The following UTP18 variants were observed in gnomAD, a reference collection of about 807,000 sequenced individuals.
UTP18 encodes the protein UTP18 small subunit processome component.
UTP18 carries 36 observed loss-of-function variants against 61.1 expected under a neutral mutation model. That is an observed-to-expected ratio of 0.59 (90% CI 0.45 to 0.78). UTP18 has a LOEUF of 0.78. Ranked by LOEUF, UTP18 falls within the 30% of genes least tolerant of loss-of-function variation. UTP18 has a pLI of 0.00. For missense variants in UTP18, 753 were observed against 693.9 expected (o/e 1.09, Z -0.96); for synonymous variants, 282 against 251.1 (o/e 1.12, Z -1.16).
At chr17:51,287,032 A>C (rs1905138251) in intron 10 of UTP18, among the ~76,000 whole-genome samples, 2 of 131,294 alleles carry the variant, frequency 1.5e-5, no homozygotes, top group Admixed American at 1.9e-4. Flanking sequence ...TGTGTCCATT[A>C]TAAGTAGTTT....
chr17:51,263,602 G>T (rs917339645), intron 2 of UTP18, among the ~76,000 whole-genome samples: 4 of 152,184 alleles, frequency 2.6e-5, no homozygotes, highest in Non-Finnish European at 5.9e-5. Context: ...CCTCTTTGCT[G>T]TATACAGTAG....
At position 51,285,903 on chromosome 17, in the gene UTP18, A is replaced by G. The variant is rs191371876; in HGVS notation, c.1328+535A>G. Among the ~76,000 whole-genome samples, 64 of 152,324 alleles carry G rather than the reference A, an allele frequency of 4.2e-4. 1 individual carries two copies. Among genetic ancestry groups the G allele is most frequent in the Middle Eastern group, 3.4e-3 (1 of 294 alleles). ...ATTGCAGTTGAACACCTTTTTAGCA[A>G]AGAAAATGCTGGCGCTACCTTATAT... On this transcript the variant is annotated intron_variant, in intron 10 of 13. Coordinates refer to ENST00000225298, the MANE Select transcript of UTP18 (RefSeq NM_016001.3).
At chr17:51,290,668 A>G (rs1036754826) in intron 11 of UTP18, among the ~76,000 whole-genome samples, 3 of 152,228 alleles carry the variant, frequency 2.0e-5, no homozygotes, top group Admixed American at 1.3e-4. Context: ...ATATTCTGCA[A>G]GACACATAAT....
chr17:51,274,436 TTTTG>T (rs540093460), intron 5 of UTP18, among the ~76,000 whole-genome samples: 82 of 152,264 alleles, frequency 5.4e-4, no homozygotes, highest in East Asian at 9.7e-4. Flanking sequence ...CATAGATATC[TTTTG>T]TTTGTTTGTT....
At chr17:51,266,496 A>G (rs952081362) in intron 3 of UTP18, among the ~76,000 whole-genome samples, 1 of 152,232 alleles carries the variant, frequency 6.6e-6, no homozygotes, top group South Asian at 2.1e-4. Context: ...CTCAAATATA[A>G]TCAGTGATAA....
rs755322303 is a variant in UTP18 at position 51,260,653 on chromosome 17, C to T, written c.69C>T (p.Pro23=). The T allele has an allele frequency of 8.7e-6, 14 of 1,612,320 alleles. No homozygotes were observed. Among genetic ancestry groups the T allele is most frequent in the South Asian group, 3.3e-5 (3 of 91,046 alleles). ...RRTGAKPKRK[P]GMRPDWKAGA... is the part of the protein sequence containing the mutation. ...CCGGAGCGAAGCCGAAGCGGAAGCC[C>T]GGAATGAGGCCGGACTGGAAAGCCG... Residue 23 remains proline (P), a synonymous_variant, in exon 1 of 14, where the codon CCC becomes CCT. Transcript: ENST00000225298.
At chr17:51,274,510 C>T (rs1358342533) in intron 5 of UTP18, among the ~76,000 whole-genome samples, 3 of 152,088 alleles carry the variant, frequency 2.0e-5, no homozygotes, top group South Asian at 4.1e-4. Flanking sequence ...GGCGTGATCT[C>T]GGCTCACTGC....
In UTP18 at chr17:51,260,606, C is replaced by G. The variant is rs752421820; in HGVS notation, c.22C>G (p.Arg8Gly). Reference sequence around the variant, plus strand: ...AACGATGCCGCCGGAGCGGAGGAGACGAATGAAACTGGACCGGAGAACCGG... The same window carrying G: ...AACGATGCCGCCGGAGCGGAGGAGAGGAATGAAACTGGACCGGAGAACCGG... Reference protein sequence around the residue: MPPERRRRMKLDRRTGAK... With the variant: MPPERRRGMKLDRRTGAK... Residue 8 changes from arginine (R) to glycine (G), a missense_variant, in exon 1 of 14, where the codon CGA (arginine) becomes GGA (glycine). By Grantham distance (125) the Arg-to-Gly change is moderately radical. Coordinates refer to ENST00000225298, the MANE Select transcript of UTP18 (RefSeq NM_016001.3). 8.7e-6 allele frequency: 14 copies of G among 1,612,376 alleles called. No homozygotes were observed. The highest frequency in any genetic ancestry group is 5.0e-5 in the Admixed American group (3 of 59,934).
chr17:51,271,475 G>GA (rs1035001694), intron 4 of UTP18, among the ~76,000 whole-genome samples: 11 of 150,050 alleles, frequency 7.3e-5, no homozygotes, highest in South Asian at 2.1e-4. Flanking sequence ...CCCAGCTAAT[G>GA]AAAAAAAAAA....
chr17:51,285,203 T>G, intron 9 of UTP18, 42 bp from the exon 10 acceptor site: 5 of 1,609,752 alleles, frequency 3.1e-6, no homozygotes, highest in Middle Eastern at 2.2e-4. Context: ...CTTTCAAGTT[T>G]AAAGCAAAAT....
At position 51,278,621 on chromosome 17, in the gene UTP18, C is replaced by T. The variant is rs1343722571; in HGVS notation, c.1012+1317C>T. Among the ~76,000 whole-genome samples, 3 of 152,268 alleles carry T rather than the reference C, an allele frequency of 2.0e-5. No homozygotes were observed. In the East Asian group the frequency reaches 5.8e-4, roughly 29 times the overall value. On this transcript the variant is annotated intron_variant, in intron 7 of 13. Coordinates refer to ENST00000225298, the MANE Select transcript of UTP18 (RefSeq NM_016001.3). ...TCTCCTTTTTCTGTTTTCACATTTCCACCGCCTGATACTGTGCTGTTAGGA... is the reference window on the plus strand; with the variant it reads ...TCTCCTTTTTCTGTTTTCACATTTCTACCGCCTGATACTGTGCTGTTAGGA...
At chr17:51,279,109 C>T (rs1904826406) in intron 7 of UTP18, among the ~76,000 whole-genome samples, 1 of 152,136 alleles carries the variant, frequency 6.6e-6, no homozygotes, top group Admixed American at 6.5e-5. Context: ...AAAATATAGA[C>T]ATATATTTTT....
rs752698375 is a variant in UTP18, at chr17:51,287,559, G to A, written c.1329-470G>A. 4.5e-4 allele frequency among the ~76,000 whole-genome samples: 68 copies of A among 152,286 alleles called. 1 individual carries two copies. Among genetic ancestry groups the A allele is most frequent in the Admixed American group, 2.0e-4 (3 of 15,290 alleles). ...AGTGGAATTGTCATTGAAGGGAGGCGGGAGGAGGGGTGATGGTGTTAGAAG... is the reference window on the plus strand; with the variant it reads ...AGTGGAATTGTCATTGAAGGGAGGCAGGAGGAGGGGTGATGGTGTTAGAAG... On this transcript the variant is annotated intron_variant, in intron 10 of 13. Transcript: ENST00000225298.
Position 51,266,256 on chromosome 17 carries a change from A to G in UTP18, c.530A>G (p.Asn177Ser). Residue 177 changes from asparagine (N) to serine (S), a missense_variant, in exon 3 of 14, where the codon AAC becomes AGC. Asn to Ser is a conservative substitution (Grantham distance 46). Transcript: ENST00000225298. ...NASESKLSKD[N>S]LKKRLKEEFQ... is the part of the protein sequence containing the mutation. ...AGTGAAAGTAAACTTTCGAAAGACA[A>G]CCTTAAAAAGAGACTTAAAGAAGAG... 6.2e-7 allele frequency: 1 copy of G among 1,601,248 alleles called. No individual in the cohort carries two copies. Among genetic ancestry groups the G allele is most frequent in the Non-Finnish European group, 8.5e-7 (1 of 1,176,030 alleles).
In UTP18 at chr17:51,280,043, C is replaced by T. The variant is rs779991642; in HGVS notation, c.1051C>T (p.Pro351Ser). The T allele has an allele frequency of 6.2e-7, 1 of 1,613,960 alleles. No individual in the cohort carries two copies. The highest frequency in any genetic ancestry group is 1.1e-5 in the South Asian group (1 of 91,040). ...EKIVRSFEVS[P>S]DGSFLLINGI... ...GATAGTGAGGAGCTTTGAAGTCTCC[C>T]CAGATGGGTCCTTCTTGCTCATAAA... The change falls in exon 8 of 14, where the codon CCA becomes TCA. Residue 351 changes from proline to serine, a missense_variant. Pro to Ser is a moderately conservative substitution (Grantham distance 74). Transcript: ENST00000225298.
intron 10 of UTP18, among the ~76,000 whole-genome samples, chr17:51,286,058 AG>A (rs1412248685): frequency 6.6e-6 from 1 of 152,232 alleles, no homozygotes; most frequent in Non-Finnish European, 1.5e-5. Flanking sequence ...AGATACCTAA[AG>A]CATTTTTCCT....
intron 10 of UTP18, among the ~76,000 whole-genome samples, chr17:51,285,772 GTA>G (rs949266761): frequency 1.4e-4 from 22 of 152,188 alleles, no homozygotes; most frequent in African/African-American, 4.8e-4. Flanking sequence ...AGAGATGTGT[GTA>G]TAGGAGAAAA....
chr17:51,286,639 C>T (rs1171405092), intron 10 of UTP18: 2 of 450,904 alleles, frequency 4.4e-6, no homozygotes, highest in Middle Eastern at 4.2e-4. Flanking sequence ...AGGGAGAGTG[C>T]CCTGATGAAG....
chr17:51,263,232 A>T (rs948628821), intron 1 of UTP18, 42 bp from the exon 2 acceptor site: 5 of 1,557,966 alleles, frequency 3.2e-6, no homozygotes, highest in Non-Finnish European at 4.4e-6. Context: ...CAGTCATGGG[A>T]TAGGAAAATC....
Sources: allele counts gnomAD v4.1 joint callset (sites outside exome capture counted in the v4.1 genomes callset), GRCh38; gene constraint gnomAD v4.1.1; transcripts MANE v1.5; gene names NCBI Gene and HGNC (gene_info 2026-07-23, HGNC 2026-07-21).